SP4: variants seen among roughly 807,000 people sequenced by gnomAD.
SP4 encodes transcription factor Sp4.
SP4 carries 19 observed loss-of-function variants against 72.8 expected under a neutral mutation model. That is an observed-to-expected ratio of 0.26 (90% CI 0.18 to 0.38). The LOEUF is 0.38. Ranked by LOEUF, SP4 falls within the 10% of genes least tolerant of loss-of-function variation. SP4 has a pLI of 1.00. For missense variants in SP4, 1,008 were observed against 926.3 expected (o/e 1.09, Z -1.14); for synonymous variants, 395 against 333.1 (o/e 1.19, Z -2.02).
chr7:21,502,386 G>A (rs1781893601), intron 5 of SP4, among the ~76,000 whole-genome samples: 2 of 152,128 alleles, frequency 1.3e-5, no homozygotes, highest in Non-Finnish European at 2.9e-5. Flanking sequence ...GGCAAGAGGA[G>A]TAGTTCATAT....
chr7:21,467,857 T>C (rs917007076), intron 3 of SP4, among the ~76,000 whole-genome samples: 1 of 152,122 alleles, frequency 6.6e-6, no homozygotes, highest in Admixed American at 6.6e-5. Context: ...TGATCAGTTA[T>C]ATTAGAAAAC....
intron 5 of SP4, among the ~76,000 whole-genome samples, chr7:21,495,299 A>G (rs1785080651): frequency 6.6e-6 from 1 of 152,168 alleles, no homozygotes; most frequent in Non-Finnish European, 1.5e-5. Context: ...AAAACTCTTA[A>G]CAGATACAGA....
At chr7:21,508,761 G>A (rs17144546) in intron 5 of SP4, among the ~76,000 whole-genome samples, 11,682 of 151,394 alleles carry the variant, frequency 0.077, 813 homozygotes, top group East Asian at 0.18. Flanking sequence ...ACTGTGGCTT[G>A]GCATAGAGTT....
chr7:21,461,616 C>T (rs909035917), intron 3 of SP4, among the ~76,000 whole-genome samples: 18 of 152,184 alleles, frequency 1.2e-4, no homozygotes, highest in Non-Finnish European at 2.2e-4. Flanking sequence ...GGTTGCCACC[C>T]GTGCCTCTCC....
At chr7:21,444,659 A>G (rs942134749) in intron 3 of SP4, among the ~76,000 whole-genome samples, 1 of 152,130 alleles carries the variant, frequency 6.6e-6, no homozygotes, top group African/African-American at 2.4e-5. Flanking sequence ...CTGTTTAAGC[A>G]CTTTATGTGT....
At chr7:21,455,383 C>A (rs1207624389) in intron 3 of SP4, among the ~76,000 whole-genome samples, 1 of 152,070 alleles carries the variant, frequency 6.6e-6, no homozygotes, top group Non-Finnish European at 1.5e-5. Flanking sequence ...TCAAACTTTT[C>A]CCAGTTTTTT....
intron 5 of SP4, chr7:21,482,844 G>T: frequency 2.9e-6 from 2 of 680,140 alleles, no homozygotes; most frequent in Non-Finnish European, 3.6e-6. Flanking sequence ...TTGCATATAT[G>T]AATTTCCTTG....
Position 21,482,090 on chromosome 7 carries a change from G to T in SP4, c.2074G>T (p.Asp692Tyr). The T allele has an allele frequency of 6.2e-7, 1 of 1,614,024 alleles. No homozygotes were observed. The highest frequency in any genetic ancestry group is 8.5e-7 in the Non-Finnish European group (1 of 1,179,908). The change falls in exon 5 of 6, where the codon GAT (aspartate) becomes TAT (tyrosine). Residue 692 changes from aspartate to tyrosine, a missense_variant. By Grantham distance (160) the Asp-to-Tyr change is radical (BLOSUM62 -3). This residue lies in a region of SP4 where 48 missense variants were observed against 117.0 expected (regional missense o/e 0.41). Coordinates refer to ENST00000222584, the MANE Select transcript of SP4 (RefSeq NM_003112.5). ...TTGTGGCAAAAGATTCACACGGAGT[G>T]ATGAGCTCCAGAGACATAGAAGAAC... ...MFCGKRFTRS[D>Y]ELQRHRRTHT...
Position 21,511,339 on chromosome 7 carries a change from T to C in SP4, c.*70T>C, listed in dbSNP as rs1782137731. ...CACCTTTGAAAATCTGGAAATGGGC[T>C]GGTCAAGTGGATTACAGAGTAGGAA... On this transcript the variant is annotated 3_prime_UTR_variant, in exon 6 of 6. Transcript: ENST00000222584. The C allele has an allele frequency of 4.8e-6, 7 of 1,446,028 alleles. No homozygotes were observed. The highest frequency in any genetic ancestry group is 1.9e-5 in the Admixed American group (1 of 53,348). 89.6% of individuals were successfully genotyped at this position (1,446,028 alleles called of 1,614,324 possible).
At chr7:21,442,292 A>T (rs1307437798) in intron 3 of SP4, among the ~76,000 whole-genome samples, 2 of 152,064 alleles carry the variant, frequency 1.3e-5, no homozygotes, top group Admixed American at 6.6e-5. Context: ...CACCCGCCTC[A>T]GCCTTCCTAA....
At chr7:21,495,868 G>C (rs912653429) in intron 5 of SP4, among the ~76,000 whole-genome samples, 4 of 152,118 alleles carry the variant, frequency 2.6e-5, no homozygotes, top group African/African-American at 7.2e-5. Context: ...ATGTCCTTCA[G>C]CTGGTGAATG....
intron 3 of SP4, among the ~76,000 whole-genome samples, chr7:21,456,971 A>G (rs971924717): frequency 8.5e-5 from 13 of 152,172 alleles, no homozygotes; most frequent in African/African-American, 3.1e-4. Context: ...GTTAGTAAGC[A>G]GGAGAGTGAA....
At chr7:21,506,594 G>A (rs1169471819) in intron 5 of SP4, among the ~76,000 whole-genome samples, 1 of 152,012 alleles carries the variant, frequency 6.6e-6, no homozygotes. Flanking sequence ...CATGATTTTT[G>A]CTTTTTGTTT....
chr7:21,489,445 T>C (rs1012384270), intron 5 of SP4, among the ~76,000 whole-genome samples: 4 of 149,710 alleles, frequency 2.7e-5, no homozygotes, highest in Admixed American at 2.7e-4. Context: ...CTCAGCTGCC[T>C]GAGTAGCTGG....
intron 3 of SP4, among the ~76,000 whole-genome samples, chr7:21,456,024 G>C (rs1297364874): frequency 2.0e-5 from 3 of 152,162 alleles, no homozygotes; most frequent in African/African-American, 4.8e-5. Flanking sequence ...GGAGGCTACA[G>C]GAGGAAGTGG....
At chr7:21,499,430 A>G (rs7790775) in intron 5 of SP4, among the ~76,000 whole-genome samples, 58,905 of 152,044 alleles carry the variant, frequency 0.39, 13,142 homozygotes, top group East Asian at 0.86. Flanking sequence ...TGATGTCCTT[A>G]TAAGAGGAGA....
intron 5 of SP4, among the ~76,000 whole-genome samples, chr7:21,484,133 A>G (rs183602549): frequency 2.0e-4 from 30 of 152,038 alleles, no homozygotes; most frequent in Admixed American, 1.4e-3. Context: ...AAGTTATTTA[A>G]TTTGATATAC....
intron 3 of SP4, among the ~76,000 whole-genome samples, chr7:21,433,514 C>CT (rs1782937328): frequency 6.6e-6 from 1 of 152,170 alleles, no homozygotes; most frequent in South Asian, 2.1e-4. Context: ...GACAAATGCT[C>CT]TTTGAACTAA....
chr7:21,460,336 CCTTCGCGA>C (rs578113944), intron 3 of SP4, among the ~76,000 whole-genome samples: 167 of 152,136 alleles, frequency 1.1e-3, no homozygotes, highest in African/African-American at 3.6e-3. Flanking sequence ...AAGCTGCAGA[CCTTCGCGA>C]TGAGTGTTAC....
Sources: gnomAD v4.1 joint callset for allele counts (sites outside exome capture counted in the v4.1 genomes callset) on GRCh38, gnomAD v4.1.1 for gene constraint, gnomAD v4.1.1 regional missense constraint, MANE v1.5 for transcripts, NCBI Gene and HGNC (gene_info 2026-07-23, HGNC 2026-07-21) for gene names.